Variants in DNER observed in about 807,000 individuals in gnomAD.
DNER encodes delta/notch like EGF repeat containing, also known as delta and Notch-like epidermal growth factor-related receptor.
DNER carries 33 observed loss-of-function variants against 78.2 expected under a neutral mutation model. The ratio of observed to expected loss-of-function variants is 0.42; its 90% CI spans 0.32 to 0.56. The LOEUF is 0.56. Ranked by LOEUF, DNER falls within the 20% of genes least tolerant of loss-of-function variation. The pLI, the probability that DNER is intolerant of heterozygous loss-of-function variation, is 0.11. For synonymous variants in DNER, 417 were observed against 384.8 expected (o/e 1.08, Z -0.98); for missense variants, 918 against 975.3 (o/e 0.94, Z 0.78).
intron 3 of DNER, chr2:229,587,168 G>A (rs1467588258): frequency 5.4e-6 from 1 of 186,372 alleles, no homozygotes; most frequent in Non-Finnish European, 1.0e-5. Flanking sequence ...ACAAGAAAGG[G>A]CCGAGAGATG....
chr2:229,607,894 T>C (rs1163723053), intron 1 of DNER, among the ~76,000 whole-genome samples: 1 of 151,634 alleles, frequency 6.6e-6, no homozygotes, highest in African/African-American at 2.4e-5. Flanking sequence ...TGGTGGTACA[T>C]GTATGTAATC....
At chr2:229,473,380 G>A (rs1694965607) in intron 7 of DNER, among the ~76,000 whole-genome samples, 1 of 152,212 alleles carries the variant, frequency 6.6e-6, no homozygotes, top group African/African-American at 2.4e-5. Flanking sequence ...GTATAGGACA[G>A]TAGTTGGGAG....
chr2:229,620,844 A>C (rs962921437), intron 1 of DNER, among the ~76,000 whole-genome samples: 1 of 152,196 alleles, frequency 6.6e-6, no homozygotes, highest in Non-Finnish European at 1.5e-5. Flanking sequence ...TGCCCTTAAA[A>C]GGAGGAGTCA....
intron 5 of DNER, among the ~76,000 whole-genome samples, chr2:229,515,508 C>T (rs138700168): frequency 1.7e-4 from 26 of 152,112 alleles, no homozygotes; most frequent in East Asian, 7.7e-4. Flanking sequence ...TTCCATATTG[C>T]GGATAAATTT....
chr2:229,546,728 C>T (rs1235010471), intron 5 of DNER, among the ~76,000 whole-genome samples: 1 of 151,878 alleles, frequency 6.6e-6, no homozygotes, highest in East Asian at 1.9e-4. Flanking sequence ...AGAGCGAGAC[C>T]CCATCTCAAA....
At chr2:229,444,838 C>T (rs758013916) in intron 8 of DNER, among the ~76,000 whole-genome samples, 41 of 151,730 alleles carry the variant, frequency 2.7e-4, no homozygotes, top group Admixed American at 9.9e-4. Context: ...GAAGCCTGGG[C>T]AACAAGAGCA....
intron 1 of DNER, among the ~76,000 whole-genome samples, chr2:229,666,781 G>A (rs1277996569): frequency 6.6e-6 from 1 of 152,152 alleles, no homozygotes; most frequent in Non-Finnish European, 1.5e-5. Flanking sequence ...ATTCTGTTGG[G>A]AGCCAGAAAG....
Position 229,714,275 on chromosome 2 carries a change from G to C in DNER, c.149C>G (p.Ala50Gly). 1 of 1,383,664 alleles carries C rather than the reference G, an allele frequency of 7.2e-7. No individual in the cohort carries two copies. Among genetic ancestry groups the C allele is most frequent in the East Asian group, 3.1e-5 (1 of 32,270 alleles). The allele number at this position is 1,383,664 out of a possible 1,614,324, so 85.7% of individuals were successfully genotyped here. ...CACACCCCCATTCCGGCAGGGCTGC[G>C]CGGCGCACGGCCCGGGCGCAGACAG... is the stretch of plus-strand genomic sequence containing the variant. The part of the protein sequence containing the change: ...APLSAPGPCA[A>G]QPCRNGGVCT... The change falls in exon 1 of 13, where the codon GCG becomes GGG. Residue 50 changes from alanine (A) to glycine (G), a missense_variant. Coordinates refer to ENST00000341772, the MANE Select transcript of DNER (RefSeq NM_139072.4).
chr2:229,456,321 TG>T (rs1176842615), intron 7 of DNER, among the ~76,000 whole-genome samples: 1 of 151,720 alleles, frequency 6.6e-6, no homozygotes. Flanking sequence ...TCACTCATGA[TG>T]GATCCCCGTG....
At chr2:229,661,643 G>A (rs1262366905) in intron 1 of DNER, among the ~76,000 whole-genome samples, 1 of 152,170 alleles carries the variant, frequency 6.6e-6, no homozygotes, top group African/African-American at 2.4e-5. Context: ...ATCAAGGAGA[G>A]AAGCCAAATG....
At chr2:229,547,184 T>C (rs1353802913) in intron 4 of DNER, 92 bp from the exon 5 acceptor site, 2 of 1,521,586 alleles carry the variant, frequency 1.3e-6, no homozygotes, top group African/African-American at 2.8e-5. Flanking sequence ...TCTACAAGAC[T>C]ATGAATTTAG....
chr2:229,709,128 T>G (rs969058801), intron 1 of DNER, among the ~76,000 whole-genome samples: 6 of 152,200 alleles, frequency 3.9e-5, no homozygotes, highest in Non-Finnish European at 7.3e-5. Flanking sequence ...TAAACTAATA[T>G]AATCATTTTA....
chr2:229,465,162 A>G (rs1694778711), intron 7 of DNER, among the ~76,000 whole-genome samples: 1 of 152,236 alleles, frequency 6.6e-6, no homozygotes, highest in African/African-American at 2.4e-5. Context: ...TCACAATAGC[A>G]AAGACATGGA....
chr2:229,576,549 G>A (rs919831737), intron 4 of DNER, among the ~76,000 whole-genome samples: 6 of 152,154 alleles, frequency 3.9e-5, no homozygotes, highest in Non-Finnish European at 8.8e-5. Flanking sequence ...TGACGAACAT[G>A]TGGTCATCAT....
At chr2:229,451,099 T>C (rs1350971885) in intron 7 of DNER, among the ~76,000 whole-genome samples, 1 of 152,182 alleles carries the variant, frequency 6.6e-6, no homozygotes, top group Non-Finnish European at 1.5e-5. Context: ...AAAAAATACA[T>C]ATCAAACTTC....
chr2:229,513,000 G>A, intron 5 of DNER, 64 bp from the exon 6 acceptor site: 1 of 1,517,288 alleles, frequency 6.6e-7, no homozygotes, highest in African/African-American at 1.4e-5. Context: ...CTTTGGCTGT[G>A]AGACTCAAAG....
At chr2:229,650,163 C>A (rs1419600962) in intron 1 of DNER, among the ~76,000 whole-genome samples, 3 of 151,956 alleles carry the variant, frequency 2.0e-5, no homozygotes, top group Non-Finnish European at 2.9e-5. Flanking sequence ...CGCAAGAAAC[C>A]TACTGTCCCG....
Position 229,585,897 on chromosome 2 carries a change from G to C in DNER, c.808C>G (p.Leu270Val). ...PLQASGGLVL[L>V]EEMLALGNNH... ...TTCCCCAAGGCGAGCATCTCCTCCAGGAGGACCAGTCCCCCTGAAGCCTGA... is the reference window on the plus strand; with the variant it reads ...TTCCCCAAGGCGAGCATCTCCTCCACGAGGACCAGTCCCCCTGAAGCCTGA... Residue 270 changes from leucine to valine, a missense_variant, in exon 4 of 13, where the codon CTG (leucine) becomes GTG (valine). Physicochemically the swap from Leu to Val is conservative, Grantham distance 32. Transcript: ENST00000341772. 1 of 1,614,056 alleles carries C rather than the reference G, an allele frequency of 6.2e-7. No homozygotes were observed. Among genetic ancestry groups the C allele is most frequent in the African/African-American group, 1.3e-5 (1 of 75,014 alleles).
chr2:229,491,227 C>T (rs1462593494), intron 6 of DNER, among the ~76,000 whole-genome samples: 6 of 152,200 alleles, frequency 3.9e-5, no homozygotes, highest in African/African-American at 1.4e-4. Flanking sequence ...TTGGTCCATT[C>T]AGGCTGCTAG....
Sources: allele counts gnomAD v4.1 joint callset (sites outside exome capture counted in the v4.1 genomes callset), GRCh38; gene constraint gnomAD v4.1.1; transcripts MANE v1.5; gene names NCBI Gene and HGNC (gene_info 2026-07-23, HGNC 2026-07-21).